Variants in MYCBP2 observed in about 807,000 individuals in gnomAD.
MYCBP2 encodes the protein MYC binding protein 2.
In MYCBP2, 120 loss-of-function variants were observed where a neutral mutation model predicts 525.3. The ratio of observed to expected loss-of-function variants is 0.23; its 90% CI spans 0.20 to 0.27. The LOEUF is 0.27. Among genes scored for constraint, MYCBP2 ranks in the 10% least tolerant of loss-of-function variants. The pLI is 1.00. For synonymous variants in MYCBP2, 1,894 were observed against 1,955.8 expected, an observed-to-expected ratio of 0.97 and a Z score of 0.83; for missense variants, 4,149 against 5,657.1, an observed-to-expected ratio of 0.73 and a Z score of 8.55.
intron 1 of MYCBP2, among the ~76,000 whole-genome samples, chr13:77,304,747 G>A (rs1469711634): frequency 2.0e-5 from 3 of 151,696 alleles, no homozygotes; most frequent in Non-Finnish European, 4.4e-5. Context: ...AATTATTTGT[G>A]AATTAAATAT....
At chr13:77,201,709 C>T (rs2062597778) in intron 26 of MYCBP2, among the ~76,000 whole-genome samples, 1 of 151,888 alleles carries the variant, frequency 6.6e-6, no homozygotes, top group South Asian at 2.1e-4. Context: ...GACCACAGTG[C>T]AATCAAACTA....
intron 1 of MYCBP2, among the ~76,000 whole-genome samples, chr13:77,320,767 A>G (rs2081498676): frequency 6.6e-6 from 1 of 152,166 alleles, no homozygotes; most frequent in Non-Finnish European, 1.5e-5. Flanking sequence ...GCCATATACA[A>G]TATTCTTGCT....
intron 14 of MYCBP2, 71 bp from the exon 15 acceptor site, chr13:77,251,426 C>A: frequency 7.6e-7 from 1 of 1,310,074 alleles, no homozygotes. Flanking sequence ...GACTATATTT[C>A]CCAGTTTAAA....
chr13:77,156,137 A>C lies in MYCBP2; in HGVS notation c.6836T>G (p.Ile2279Ser). Residue 2279 changes from isoleucine (I) to serine (S), a missense_variant, in exon 46 of 83, where the codon ATT (isoleucine) becomes AGT (serine). Physicochemically the swap from Ile to Ser is moderately radical, Grantham distance 142. Around this residue, in one of 21 missense-constraint regions of MYCBP2, gnomAD observed 692 missense variants for 852.7 expected, o/e 0.81. Coordinates refer to ENST00000544440, the MANE Select transcript of MYCBP2 (RefSeq NM_015057.5). ...TATGGTGGTAGGCCAACCACAACGA[A>C]TATCATCCTTATTCAGGATCAAAGA... ...KTSLILNKDD[I>S]RCGWPTTITV... 1 of 1,614,038 alleles carries C rather than the reference A, an allele frequency of 6.2e-7. No homozygotes were observed. The highest frequency in any genetic ancestry group is 8.5e-7 in the Non-Finnish European group (1 of 1,179,908).
At chr13:77,269,396 G>A (rs548324171) in intron 7 of MYCBP2, among the ~76,000 whole-genome samples, 75 of 152,298 alleles carry the variant, frequency 4.9e-4, no homozygotes, top group African/African-American at 1.7e-3. Context: ...AGCACTCTGG[G>A]AGGCCCAGGC....
rs1368208103 is a variant in MYCBP2 at position 77,095,549 on chromosome 13, G to A, written c.10008C>T (p.Pro3336=). Residue 3336 remains proline (P), a synonymous_variant, in exon 58 of 83, where the codon CCC becomes CCT. Coordinates refer to ENST00000544440, the MANE Select transcript of MYCBP2 (RefSeq NM_015057.5). ...PMQVKTPRAL[P]TMEAHQVIKA... Reference sequence around the variant, plus strand: ...TAATCACCTGGTGAGCTTCCATGGTGGGCAAGGCACGAGGGGTCTTGACTT... The same window carrying A: ...TAATCACCTGGTGAGCTTCCATGGTAGGCAAGGCACGAGGGGTCTTGACTT... 2 of 1,613,474 alleles carry A rather than the reference G, an allele frequency of 1.2e-6. No individual in the cohort carries two copies. Among genetic ancestry groups the A allele is most frequent in the South Asian group, 2.2e-5 (2 of 91,062 alleles).
intron 14 of MYCBP2, among the ~76,000 whole-genome samples, chr13:77,251,880 T>C (rs1280728616): frequency 2.0e-5 from 3 of 152,226 alleles, no homozygotes; most frequent in African/African-American, 7.2e-5. Context: ...CTTTTCCCTC[T>C]GCTCTCCAAA....
At chr13:77,104,831 G>A (rs2047610906) in intron 55 of MYCBP2, among the ~76,000 whole-genome samples, 1 of 152,072 alleles carries the variant, frequency 6.6e-6, no homozygotes, top group Admixed American at 6.6e-5. Flanking sequence ...GACAATGGGA[G>A]GAGTAGATAG....
chr13:77,270,231 C>T (rs1331548196), intron 6 of MYCBP2, 65 bp downstream of exon 6: 2 of 1,522,202 alleles, frequency 1.3e-6, no homozygotes, highest in South Asian at 1.3e-5. Context: ...ACTAGAAACA[C>T]ACAGAACACA....
chr13:77,245,103 C>T (rs1166087000), intron 15 of MYCBP2, among the ~76,000 whole-genome samples: 2 of 152,142 alleles, frequency 1.3e-5, no homozygotes, highest in Non-Finnish European at 1.5e-5. Context: ...AGTCAGGACA[C>T]AACAGATTCT....
At chr13:77,072,311 A>G (rs1038852058) in intron 68 of MYCBP2, among the ~76,000 whole-genome samples, 54 of 54,236 alleles carry the variant, frequency 1.0e-3, no homozygotes, top group Admixed American at 1.9e-3. Context: ...AAAAAAAAAA[A>G]AAAAAAGAAA....
At chr13:77,120,793 T>C (rs1437229269) in intron 55 of MYCBP2, among the ~76,000 whole-genome samples, 1 of 152,166 alleles carries the variant, frequency 6.6e-6, no homozygotes, top group Non-Finnish European at 1.5e-5. Context: ...CAGCTGTATA[T>C]ATATTATATT....
intron 69 of MYCBP2, 133 bp downstream of exon 69, chr13:77,070,498 A>C: frequency 1.9e-6 from 1 of 538,264 alleles, no homozygotes; most frequent in East Asian, 3.0e-5. Flanking sequence ...TTTTCTTCAA[A>C]TATGGCCCAG....
rs749918506 is a variant in MYCBP2 at position 77,087,581 on chromosome 13, A to C, written c.10778T>G (p.Ile3593Ser). 1.2e-6 allele frequency: 2 copies of C among 1,613,314 alleles called. No individual in the cohort carries two copies. The highest frequency in any genetic ancestry group is 4.5e-5 in the East Asian group (2 of 44,760). Reference sequence around the variant, plus strand: ...CAGTGATGCCACAAAATGCCACAGAATATCATGGAGAGAAGTGGTTTGGAT... The same window carrying C: ...CAGTGATGCCACAAAATGCCACAGACTATCATGGAGAGAAGTGGTTTGGAT... ...NVIQTTSLHD[I>S]LWHFVASLTP... The change falls in exon 62 of 83, where the codon ATT (isoleucine) becomes AGT (serine). Residue 3593 changes from isoleucine (I) to serine (S), a missense_variant. Transcript: ENST00000544440.
chr13:77,137,528 T>C (rs1275751366), intron 52 of MYCBP2, among the ~76,000 whole-genome samples: 1 of 152,128 alleles, frequency 6.6e-6, no homozygotes, highest in Non-Finnish European at 1.5e-5. Context: ...CAAGGTAAGA[T>C]GATCGCTTGA....
chr13:77,288,894 T>C (rs1253780886), intron 2 of MYCBP2, among the ~76,000 whole-genome samples: 2 of 152,208 alleles, frequency 1.3e-5, no homozygotes, highest in African/African-American at 2.4e-5. Flanking sequence ...AAGTAAACTG[T>C]AGATGCTTCC....
At chr13:77,223,620 G>C (rs2154294436) in intron 20 of MYCBP2, among the ~76,000 whole-genome samples, 1 of 152,264 alleles carries the variant, frequency 6.6e-6, no homozygotes, top group Non-Finnish European at 1.5e-5. Flanking sequence ...TGATGAGGCA[G>C]TTCATGGTGT....
chr13:77,182,487 T>G (rs1317910763), intron 32 of MYCBP2, among the ~76,000 whole-genome samples: 2 of 152,234 alleles, frequency 1.3e-5, no homozygotes, highest in Admixed American at 6.5e-5. Context: ...ACACATTACC[T>G]AGTCCTTCAA....
rs2077779847 is a variant in MYCBP2 at position 77,294,104 on chromosome 13, C to CTATATATATATACA, written c.378+2494_378+2495insTGTATATATATATA. Reference sequence around the variant, plus strand: ...GATAGCCATAAAGTAGATATAATGGCTATATATATATATATATATATATAT... The same window carrying CTATATATATATACA: ...GATAGCCATAAAGTAGATATAATGGCTATATATATATACATATATATATATATATATATATATAT... On this transcript the variant is annotated intron_variant, in intron 2 of 82. Transcript: ENST00000544440. Among the ~76,000 whole-genome samples the CTATATATATATACA allele has an allele frequency of 8.0e-3, 335 of 41,904 alleles. 5 individuals are homozygous for CTATATATATATACA. The highest frequency in any genetic ancestry group is 0.022 in the African/African-American group (318 of 14,576). 27.5% of individuals were successfully genotyped at this position (41,904 alleles called of 152,430 possible). A position where few individuals can be genotyped will look rare whatever the true frequency, so the allele number is the denominator to read the frequency against.
Sources: gnomAD v4.1 joint callset for allele counts (sites outside exome capture counted in the v4.1 genomes callset) on GRCh38, gnomAD v4.1.1 for gene constraint, gnomAD v4.1.1 regional missense constraint, MANE v1.5 for transcripts, NCBI Gene and HGNC (gene_info 2026-07-23, HGNC 2026-07-21) for gene names.